SMG6: variants seen among roughly 807,000 people sequenced by gnomAD.
The protein encoded by SMG6 is SMG6 nonsense mediated mRNA decay factor.
SMG6 carries 66 observed loss-of-function variants against 142.2 expected under a neutral mutation model. That is an observed-to-expected ratio of 0.46 (90% CI 0.38 to 0.57). The LOEUF (loss-of-function observed/expected upper bound fraction) is 0.57, where lower values mean the gene tolerates loss of function less well. Ranked by LOEUF, SMG6 falls within the 20% of genes least tolerant of loss-of-function variation. SMG6 has a pLI of 0.00. For missense variants in SMG6, 1,793 were observed against 1,832.0 expected (o/e 0.98, Z 0.39); for synonymous variants, 779 against 702.4 (o/e 1.11, Z -1.72).
At chr17:2,169,687 T>C (rs1370761274) in intron 13 of SMG6, among the ~76,000 whole-genome samples, 1 of 152,174 alleles carries the variant, frequency 6.6e-6, no homozygotes, top group African/African-American at 2.4e-5. Flanking sequence ...TAGGAGGACC[T>C]GAGGTCAGAG....
chr17:2,248,423 C>G (rs890215735), intron 8 of SMG6, among the ~76,000 whole-genome samples: 2 of 152,168 alleles, frequency 1.3e-5, no homozygotes, highest in African/African-American at 2.4e-5. Flanking sequence ...ACAACACCTC[C>G]TGGACTAAAA....
rs1341016315 is a variant in SMG6 at position 2,071,591 on chromosome 17, A to AG, written c.3682-2661dup. 6.6e-6 allele frequency among the ~76,000 whole-genome samples: 1 copy of AG among 152,178 alleles called. No individual in the cohort carries two copies. Among genetic ancestry groups the AG allele is most frequent in the Admixed American group, 6.5e-5 (1 of 15,280 alleles). ...AGCTGTGCTGCCATCATCCGGTCCC[A>AG]GGGACGCCCGCAGACAACTTCCCTT... On this transcript the variant is annotated intron_variant, in intron 15 of 18. Coordinates refer to ENST00000263073, the MANE Select transcript of SMG6 (RefSeq NM_017575.5). The surrounding 1 kb of genome is among the most constrained non-coding windows in gnomAD (Gnocchi z 5.6).
At chr17:2,110,387 G>C (rs1039959801) in intron 13 of SMG6, among the ~76,000 whole-genome samples, 2 of 152,122 alleles carry the variant, frequency 1.3e-5, no homozygotes, top group African/African-American at 4.8e-5. Flanking sequence ...AGATAGTTCT[G>C]CATTTACTGA....
intron 6 of SMG6, among the ~76,000 whole-genome samples, chr17:2,287,209 G>A (rs2074927718): frequency 6.6e-6 from 1 of 152,124 alleles, no homozygotes; most frequent in African/African-American, 2.4e-5. Context: ...GTGAGCCACT[G>A]GGCCCGGCTA....
At chr17:2,184,215 T>C (rs1314812282) in intron 12 of SMG6, among the ~76,000 whole-genome samples, 1 of 151,548 alleles carries the variant, frequency 6.6e-6, no homozygotes, top group Non-Finnish European at 1.5e-5. Flanking sequence ...ATAAAAAAAT[T>C]AGCCAGGCCT....
At position 2,085,676 on chromosome 17, in the gene SMG6, T is replaced by TATTC. The variant is rs772372300; in HGVS notation, c.3534+48_3534+49insGAAT. 9 of 1,555,686 alleles carry TATTC rather than the reference T, an allele frequency of 5.8e-6. No homozygotes were observed. The African/African-American group carries it at 9.7e-5, about 17-fold the overall frequency. ...GGAAAAGCTGAAGCCACGAGCAGAA[T>TATTC]GGGGAGGGGGCCTTCCCTCTGCCAC... is the stretch of plus-strand genomic sequence containing the variant. On this transcript the variant is annotated intron_variant, in intron 14 of 18. Coordinates refer to ENST00000263073, the MANE Select transcript of SMG6 (RefSeq NM_017575.5). The surrounding 1 kb of genome is among the most constrained non-coding windows in gnomAD (Gnocchi z 4.1).
At position 2,071,301 on chromosome 17, in the gene SMG6, C is replaced by T. The variant is rs1031130558; in HGVS notation, c.3682-2370G>A. 6.6e-6 allele frequency among the ~76,000 whole-genome samples: 1 copy of T among 152,178 alleles called. No individual in the cohort carries two copies. Among genetic ancestry groups the T allele is most frequent in the Non-Finnish European group, 1.5e-5 (1 of 68,036 alleles). On this transcript the variant is annotated intron_variant, in intron 15 of 18. Transcript: ENST00000263073. This position sits in a 1 kb window ranked among gnomAD's most constrained non-coding sequence, Gnocchi z 5.6. ...CCTATGTGAACAGTCAGCTCCTAAG[C>T]CCTGGTACCATCCTACCTCTATTGC...
chr17:2,147,865 C>T (rs1052091991), intron 13 of SMG6, among the ~76,000 whole-genome samples: 5 of 152,116 alleles, frequency 3.3e-5, no homozygotes, highest in African/African-American at 1.2e-4. Flanking sequence ...ATAGTACAGC[C>T]GCTGTGGAAA....
chr17:2,116,666 T>A (rs992343983), intron 13 of SMG6, among the ~76,000 whole-genome samples: 3 of 152,076 alleles, frequency 2.0e-5, no homozygotes, highest in African/African-American at 7.2e-5. Context: ...GAGAATCACT[T>A]GAACCCAGGA....
chr17:2,118,373 T>C (rs543483695), intron 13 of SMG6, among the ~76,000 whole-genome samples: 8 of 152,146 alleles, frequency 5.3e-5, no homozygotes, highest in Non-Finnish European at 1.0e-4. Flanking sequence ...ACCCCGTCTC[T>C]ACTAAAAATA....
intron 8 of SMG6, among the ~76,000 whole-genome samples, chr17:2,255,385 C>T (rs2074144956): frequency 9.3e-6 from 1 of 107,840 alleles, no homozygotes; most frequent in African/African-American, 3.8e-5. Context: ...GCCTGGGCGA[C>T]AGAGCGAGAC....
intron 15 of SMG6, among the ~76,000 whole-genome samples, chr17:2,080,794 C>G (rs890383312): frequency 3.3e-5 from 5 of 152,068 alleles, no homozygotes; most frequent in Admixed American, 1.3e-4. Flanking sequence ...CACCACCATG[C>G]CCAGCTAATT....
intron 13 of SMG6, among the ~76,000 whole-genome samples, chr17:2,099,830 A>G (rs1449392305): frequency 6.6e-6 from 1 of 152,156 alleles, no homozygotes; most frequent in African/African-American, 2.4e-5. Flanking sequence ...TATCACAATC[A>G]CACGCTGAGC....
chr17:2,235,654 T>C (rs2073630628), intron 10 of SMG6: 1 of 152,636 alleles, frequency 6.6e-6, no homozygotes, highest in African/African-American at 2.4e-5. Context: ...AAATGACTCC[T>C]AGGCAGCATG....
At chr17:2,230,044 G>A (rs1037498320) in intron 10 of SMG6, among the ~76,000 whole-genome samples, 1 of 150,704 alleles carries the variant, frequency 6.6e-6, no homozygotes, top group Non-Finnish European at 1.5e-5. Context: ...AAATTAGCCG[G>A]GTGTGGTGGC....
chr17:2,142,681 C>G (rs887495486), intron 13 of SMG6, among the ~76,000 whole-genome samples: 5 of 151,638 alleles, frequency 3.3e-5, no homozygotes, highest in Non-Finnish European at 5.9e-5. Context: ...GCCAGGAGTT[C>G]GAGACCAGCC....
In SMG6 at chr17:2,071,709, T is replaced by G. The variant is rs931373318; in HGVS notation, c.3682-2778A>C. On this transcript the variant is annotated intron_variant, in intron 15 of 18. Transcript: ENST00000263073. This position sits in a 1 kb window ranked among gnomAD's most constrained non-coding sequence, Gnocchi z 5.6. ...CAGGAGATGAGATGAAGCTGCTCCC[T>G]TTTCTCCTGGGGTACCGGTGGGCCT... Among the ~76,000 whole-genome samples the G allele has an allele frequency of 4.1e-5, 6 of 145,630 alleles. No homozygotes were observed. Among genetic ancestry groups the G allele is most frequent in the Non-Finnish European group, 7.5e-5 (5 of 66,816 alleles).
chr17:2,116,615 G>A (rs528868468), intron 13 of SMG6, among the ~76,000 whole-genome samples: 224 of 152,100 alleles, frequency 1.5e-3, no homozygotes, highest in African/African-American at 5.2e-3. Context: ...GTGTGGTGGC[G>A]GGTACATGTG....
At chr17:2,244,938 C>G (rs1403265056) in intron 8 of SMG6, 4 of 557,982 alleles carry the variant, frequency 7.2e-6, no homozygotes, top group East Asian at 5.8e-5. Context: ...AGTGAGCAGA[C>G]AGCACCCTCT....
Sources: allele counts gnomAD v4.1 joint callset (sites outside exome capture counted in the v4.1 genomes callset), GRCh38; gene constraint gnomAD v4.1.1; non-coding constraint Gnocchi (gnomAD v3.1); transcripts MANE v1.5; gene names NCBI Gene and HGNC (gene_info 2026-07-23, HGNC 2026-07-21).